The following HMGCLL1 variants were observed in gnomAD, a reference collection of about 807,000 sequenced individuals.
HMGCLL1 encodes 3-hydroxymethyl-3-methylglutaryl-CoA lyase, cytoplasmic.
Under a neutral mutation model 39.1 loss-of-function variants are expected in HMGCLL1, and 36 were observed. The observed-to-expected ratio is 0.92, with a 90% CI of 0.71 to 1.22. The LOEUF (loss-of-function observed/expected upper bound fraction) is 1.22. Ranked by LOEUF, HMGCLL1 falls within the 50% of genes most tolerant of loss-of-function variation. The pLI, the probability that HMGCLL1 is intolerant of heterozygous loss-of-function variation, is 0.00. For missense variants in HMGCLL1, 451 were observed against 416.5 expected, an observed-to-expected ratio of 1.08 and a Z score of -0.72; for synonymous variants, 149 against 144.0, an observed-to-expected ratio of 1.03 and a Z score of -0.25.
chr6:55,474,848 G>GT (rs1227257470), intron 7 of HMGCLL1, among the ~76,000 whole-genome samples: 3 of 151,594 alleles, frequency 2.0e-5, no homozygotes, highest in African/African-American at 7.3e-5. Context: ...AATTTCTCTA[G>GT]TTTCCTGTCT....
Position 55,516,612 on chromosome 6 carries a change from C to A in HMGCLL1, c.298-9G>T, listed in dbSNP as rs1339760965. On this transcript the variant is annotated splice_polypyrimidine_tract_variant and intron_variant, in intron 3 of 8. Transcript: ENST00000274901. ...TCAGTGTGATCAGCCATCTTAAATA[C>A]ATAATAGTTATATGTAAATGTGTAA... is the stretch of plus-strand genomic sequence containing the variant. 4 of 1,548,364 alleles carry A rather than the reference C, an allele frequency of 2.6e-6. No homozygotes were observed. Among genetic ancestry groups the A allele is most frequent in the Non-Finnish European group, 3.5e-6 (4 of 1,128,336 alleles).
intron 3 of HMGCLL1, among the ~76,000 whole-genome samples, chr6:55,525,338 T>C (rs1472840560): frequency 6.6e-6 from 1 of 151,992 alleles, no homozygotes; most frequent in African/African-American, 2.4e-5. Flanking sequence ...TAAAGTCCTA[T>C]GGTAGGATAT....
intron 7 of HMGCLL1, among the ~76,000 whole-genome samples, chr6:55,494,967 T>A (rs536670070): frequency 6.6e-6 from 1 of 152,272 alleles, no homozygotes; most frequent in East Asian, 1.9e-4. Flanking sequence ...GAAAACATTT[T>A]AAGCAAAATA....
chr6:55,676,576 T>C, the HMGCLL1 span, among the ~76,000 whole-genome samples: 1 of 152,182 alleles, frequency 6.6e-6, no homozygotes, highest in African/African-American at 2.4e-5. Context: ...ATTACACATT[T>C]GCCTACACTT....
At chr6:55,607,271 TC>T in the HMGCLL1 span, among the ~76,000 whole-genome samples, 10 of 152,324 alleles carry the variant, frequency 6.6e-5, no homozygotes, top group Admixed American at 5.9e-4. Context: ...CTGAGATTTT[TC>T]ATGAGCATTA....
chr6:55,645,768 C>A, the HMGCLL1 span, among the ~76,000 whole-genome samples: 1 of 151,702 alleles, frequency 6.6e-6, no homozygotes, highest in African/African-American at 2.4e-5. Flanking sequence ...TGAAAAAGAT[C>A]TTTTTAGTAT....
chr6:55,601,725 A>T, the HMGCLL1 span, among the ~76,000 whole-genome samples: 1 of 152,168 alleles, frequency 6.6e-6, no homozygotes, highest in African/African-American at 2.4e-5. Context: ...AGGTAAATTG[A>T]ATATAAATTA....
At chr6:55,647,973 A>G in the HMGCLL1 span, among the ~76,000 whole-genome samples, 1 of 106,466 alleles carries the variant, frequency 9.4e-6, no homozygotes, top group Non-Finnish European at 1.8e-5. Flanking sequence ...CCTGTGTCCA[A>G]GTGATCTCAT....
the HMGCLL1 span, among the ~76,000 whole-genome samples, chr6:55,621,451 C>T: frequency 8.6e-5 from 13 of 152,010 alleles, no homozygotes; most frequent in African/African-American, 1.9e-4. Context: ...CTCACATTAC[C>T]GCCTGAGCTC....
At chr6:55,643,677 T>C in the HMGCLL1 span, among the ~76,000 whole-genome samples, 1 of 152,164 alleles carries the variant, frequency 6.6e-6, no homozygotes, top group Middle Eastern at 3.4e-3. Context: ...GTTTTTATTT[T>C]TAGATCCCCC....
the HMGCLL1 span, among the ~76,000 whole-genome samples, chr6:55,598,802 A>C: frequency 1.3e-5 from 2 of 152,220 alleles, no homozygotes; most frequent in African/African-American, 4.8e-5. Flanking sequence ...TGTAAAACTA[A>C]CAAATGAACT....
At chr6:55,644,978 T>C in the HMGCLL1 span, among the ~76,000 whole-genome samples, 3 of 152,100 alleles carry the variant, frequency 2.0e-5, no homozygotes, top group South Asian at 6.2e-4. Context: ...AATCTTTTGA[T>C]TTGTTTGCTA....
At position 55,473,503 on chromosome 6, in the gene HMGCLL1, G is replaced by A. The variant is rs191278167; in HGVS notation, c.795+21916C>T. On this transcript the variant is annotated intron_variant, in intron 7 of 8. Transcript: ENST00000274901. ...ACCATTTCATGTGTAGCACCAGTAC[G>A]TTGTAATAAAGTATCCCAAATTCAT... is the stretch of plus-strand genomic sequence containing the variant. Among the ~76,000 whole-genome samples the A allele has an allele frequency of 3.7e-3, 564 of 151,364 alleles. 6 individuals carry two copies. The highest frequency in any genetic ancestry group is 0.013 in the African/African-American group (518 of 41,434).
chr6:55,646,762 G>T, the HMGCLL1 span, among the ~76,000 whole-genome samples: 1 of 151,920 alleles, frequency 6.6e-6, no homozygotes, highest in African/African-American at 2.4e-5. Context: ...GAAGATACTT[G>T]ATATTATTTC....
the HMGCLL1 span, among the ~76,000 whole-genome samples, chr6:55,599,978 G>C: frequency 6.6e-6 from 1 of 152,116 alleles, no homozygotes; most frequent in Admixed American, 6.6e-5. Flanking sequence ...ATTATCATTA[G>C]ATATTTTTAT....
At chr6:55,655,168 C>T in the HMGCLL1 span, among the ~76,000 whole-genome samples, 1 of 151,930 alleles carries the variant, frequency 6.6e-6, no homozygotes, top group Non-Finnish European at 1.5e-5. Context: ...TATTTTCAAC[C>T]TACTCTACTT....
chr6:55,660,811 C>T, the HMGCLL1 span, among the ~76,000 whole-genome samples: 38 of 151,904 alleles, frequency 2.5e-4, no homozygotes, highest in Admixed American at 1.6e-3. Context: ...CTTTCCACAA[C>T]GATTGAACTA....
At chr6:55,519,928 G>A (rs1767949406) in intron 3 of HMGCLL1, among the ~76,000 whole-genome samples, 1 of 151,878 alleles carries the variant, frequency 6.6e-6, no homozygotes, top group Non-Finnish European at 1.5e-5. Flanking sequence ...AAAATCTTGA[G>A]ACAGTGGGAA....
chr6:55,460,678 G>T (rs1195492788), intron 7 of HMGCLL1, among the ~76,000 whole-genome samples: 1 of 151,826 alleles, frequency 6.6e-6, no homozygotes, highest in African/African-American at 2.4e-5. Context: ...AATTGTATAT[G>T]TTTATCTATC....
Sources: allele counts gnomAD v4.1 joint callset (sites outside exome capture counted in the v4.1 genomes callset), GRCh38; gene constraint gnomAD v4.1.1; transcripts MANE v1.5; gene names NCBI Gene and HGNC (gene_info 2026-07-23, HGNC 2026-07-21).